Variants in RBKS observed in about 807,000 individuals in gnomAD.
The protein encoded by RBKS is ribokinase.
RBKS carries 33 observed loss-of-function variants against 33.9 expected under a neutral mutation model. That is an observed-to-expected ratio of 0.97 (90% CI 0.74 to 1.30). The LOEUF is 1.30. RBKS is among the 50% of genes most tolerant of loss of function. The pLI, the probability that RBKS is intolerant of heterozygous loss-of-function variation, is 0.00. For synonymous variants in RBKS, 125 were observed against 143.0 expected (o/e 0.87, Z 0.90); for missense variants, 361 against 392.6 (o/e 0.92, Z 0.68).
chr2:27,823,995 CATT>C (rs1678265719), intron 7 of RBKS, among the ~76,000 whole-genome samples: 1 of 152,168 alleles, frequency 6.6e-6, no homozygotes, highest in Non-Finnish European at 1.5e-5. Flanking sequence ...GATTCCAGAA[CATT>C]TTCATCACCC....
chr2:27,803,652 G>A (rs1216848308), intron 7 of RBKS, among the ~76,000 whole-genome samples: 2 of 150,836 alleles, frequency 1.3e-5, no homozygotes, highest in Non-Finnish European at 2.9e-5. Context: ...TTGTGCCCCT[G>A]TTGGATTGTG....
In RBKS at chr2:27,843,139, C is replaced by G. The variant is rs1385000596; in HGVS notation, c.442G>C (p.Val148Leu). 5 of 1,611,918 alleles carry G rather than the reference C, an allele frequency of 3.1e-6. No homozygotes were observed. In the East Asian group the frequency reaches 8.9e-5, roughly 29 times the overall value. The part of the protein sequence containing the change: ...AAANVISRAK[V>L]MVCQLEITPA... ...GTTATTTCGAGCTGGCAGACCATGACTTTGGCTCTGCTAATGACATTGGCT... is the reference window on the plus strand; with the variant it reads ...GTTATTTCGAGCTGGCAGACCATGAGTTTGGCTCTGCTAATGACATTGGCT... Residue 148 changes from valine (V) to leucine (L), a missense_variant, in exon 5 of 8, where the codon GTC becomes CTC. Coordinates refer to ENST00000302188, the MANE Select transcript of RBKS (RefSeq NM_022128.3).
intron 7 of RBKS, among the ~76,000 whole-genome samples, chr2:27,804,160 AT>A (rs954506129): frequency 6.6e-6 from 1 of 152,166 alleles, no homozygotes; most frequent in Admixed American, 6.6e-5. Context: ...AATAGGTACA[AT>A]TTTTTTGTCT....
chr2:27,862,214 T>G (rs1171780117), intron 1 of RBKS, among the ~76,000 whole-genome samples: 2 of 152,014 alleles, frequency 1.3e-5, no homozygotes, highest in Admixed American at 6.6e-5. Context: ...CCTCCCAAAG[T>G]GTAGGGATTG....
rs1436133582 is a variant in RBKS at position 27,890,365 on chromosome 2, C to T, written c.-20G>A. The T allele has an allele frequency of 2.5e-6, 4 of 1,609,400 alleles. No homozygotes were observed. The highest frequency in any genetic ancestry group is 3.4e-6 in the Non-Finnish European group (4 of 1,178,540). ...CGCCATCGCTCAAAGGTGCTGCTGT[C>T]CAACCTGGACGGTGACCTCTGCCCT... On this transcript the variant is annotated 5_prime_UTR_variant, in exon 1 of 8. Transcript: ENST00000302188. The surrounding 1 kb of genome is among the most constrained non-coding windows in gnomAD (Gnocchi z 4.8).
chr2:27,889,200 A>G (rs1664640516), intron 1 of RBKS, among the ~76,000 whole-genome samples: 1 of 152,230 alleles, frequency 6.6e-6, no homozygotes, highest in African/African-American at 2.4e-5. Flanking sequence ...TAAATTGGTT[A>G]CATGAAGACC....
At chr2:27,828,536 G>A (rs1678361248) in intron 6 of RBKS, among the ~76,000 whole-genome samples, 1 of 152,140 alleles carries the variant, frequency 6.6e-6, no homozygotes, top group South Asian at 2.1e-4. Context: ...GATTAGGAGA[G>A]GTAATGACAG....
chr2:27,868,739 A>G (rs889673831), intron 1 of RBKS, among the ~76,000 whole-genome samples: 5 of 152,140 alleles, frequency 3.3e-5, no homozygotes, highest in African/African-American at 1.2e-4. Flanking sequence ...TCTTACTTGT[A>G]TTTCAAATAT....
At chr2:27,789,371 C>T (rs373510671) in intron 7 of RBKS, among the ~76,000 whole-genome samples, 71 of 149,234 alleles carry the variant, frequency 4.8e-4, no homozygotes, top group African/African-American at 1.6e-3. Context: ...AGGATCAGGT[C>T]GGCACTAAAA....
rs765001116 is a variant in RBKS, at chr2:27,781,687, T to C, written c.897A>G (p.Ala299=). 3 of 1,614,112 alleles carry C rather than the reference T, an allele frequency of 1.9e-6. No individual in the cohort carries two copies. The highest frequency in any genetic ancestry group is 1.1e-5 in the South Asian group (1 of 91,078). ...DMLNRSNFIA[A]VSVQAAGTQS... ...GTGTTCCTGCAGCCTGGACACTGAC[T>C]GCTGCAATGAAATTGGATCTGTTGA... is the stretch of plus-strand genomic sequence containing the variant. The change falls in exon 8 of 8, where the codon GCA becomes GCG. Residue 299 remains alanine, a synonymous_variant. Coordinates refer to ENST00000302188, the MANE Select transcript of RBKS (RefSeq NM_022128.3).
At chr2:27,783,037 TTTG>T (rs1180744961) in intron 7 of RBKS, among the ~76,000 whole-genome samples, 1 of 152,346 alleles carries the variant, frequency 6.6e-6, no homozygotes, top group African/African-American at 2.4e-5. Flanking sequence ...GCTATATTAT[TTTG>T]TTGTTCGAAT....
chr2:27,831,770 A>G (rs1181822417), intron 6 of RBKS, among the ~76,000 whole-genome samples: 1 of 152,144 alleles, frequency 6.6e-6, no homozygotes, highest in Non-Finnish European at 1.5e-5. Flanking sequence ...TCTACACAAA[A>G]TAAAAAAATT....
At chr2:27,884,101 T>C (rs1228447204) in intron 1 of RBKS, among the ~76,000 whole-genome samples, 2 of 152,210 alleles carry the variant, frequency 1.3e-5, no homozygotes, top group Non-Finnish European at 2.9e-5. Context: ...ATTCCTTTTT[T>C]AGTTTTTGAA....
chr2:27,833,029 C>T (rs538651858), intron 5 of RBKS, among the ~76,000 whole-genome samples: 1 of 152,080 alleles, frequency 6.6e-6, no homozygotes, highest in East Asian at 1.9e-4. Context: ...AGCAATATAA[C>T]AGTCAACGTG....
At chr2:27,874,947 C>G (rs1190586247) in intron 1 of RBKS, among the ~76,000 whole-genome samples, 2 of 152,172 alleles carry the variant, frequency 1.3e-5, no homozygotes, top group Admixed American at 6.5e-5. Context: ...GAACTCTTAA[C>G]CAGCATCTTT....
At chr2:27,841,787 T>C (rs918042005) in intron 5 of RBKS, among the ~76,000 whole-genome samples, 7 of 151,802 alleles carry the variant, frequency 4.6e-5, no homozygotes, top group African/African-American at 1.5e-4. Context: ...TTCTTTTTAG[T>C]TTTGTATCTT....
rs538729664 is a variant in RBKS at position 27,785,614 on chromosome 2, C to T, written c.796-3826G>A. ...CCTGTCTCTACTAAAAATACAAAAACTAGCCGGGCGTAGTGGCAGGTGCCT... is the reference window on the plus strand; with the variant it reads ...CCTGTCTCTACTAAAAATACAAAAATTAGCCGGGCGTAGTGGCAGGTGCCT... On this transcript the variant is annotated intron_variant, in intron 7 of 7. Coordinates refer to ENST00000302188, the MANE Select transcript of RBKS (RefSeq NM_022128.3). Among the ~76,000 whole-genome samples, 76 of 151,868 alleles carry T rather than the reference C, an allele frequency of 5.0e-4. 1 individual carries two copies. The South Asian group carries it at 0.015, about 30-fold the overall frequency.
chr2:27,812,259 T>C (rs922093133), intron 7 of RBKS, among the ~76,000 whole-genome samples: 5 of 152,192 alleles, frequency 3.3e-5, no homozygotes, highest in Admixed American at 1.3e-4. Flanking sequence ...ACACTGTTGG[T>C]GGGACTGTAA....
intron 7 of RBKS, among the ~76,000 whole-genome samples, chr2:27,785,063 A>G (rs1024858926): frequency 2.0e-5 from 3 of 152,218 alleles, no homozygotes; most frequent in Admixed American, 1.3e-4. Flanking sequence ...CTTACATTAC[A>G]TACAAAATTA....
Sources: allele counts gnomAD v4.1 joint callset (sites outside exome capture counted in the v4.1 genomes callset), GRCh38; gene constraint gnomAD v4.1.1; non-coding constraint Gnocchi (gnomAD v3.1); transcripts MANE v1.5; gene names NCBI Gene and HGNC (gene_info 2026-07-23, HGNC 2026-07-21).